SUFU: variants seen among roughly 807,000 people sequenced by gnomAD.
The protein encoded by SUFU is suppressor of fused homolog.
In SUFU, 7 loss-of-function variants were observed where a neutral mutation model predicts 58.9. The observed-to-expected ratio is 0.12, with a 90% CI of 0.07 to 0.22. The LOEUF (loss-of-function observed/expected upper bound fraction) is 0.22. SUFU is among the 10% of genes least tolerant of loss of function. The pLI, the probability that SUFU is intolerant of heterozygous loss-of-function variation, is 1.00. For synonymous variants in SUFU, 232 were observed against 254.8 expected (o/e 0.91, Z 0.85); for missense variants, 451 against 641.3 (o/e 0.70, Z 3.20).
intron 10 of SUFU, chr10:102,618,795 CG>C: frequency 1.8e-6 from 1 of 540,632 alleles, no homozygotes; most frequent in South Asian, 2.7e-5. Flanking sequence ...AGCCATGTCC[CG>C]GGCTGCTGCG....
Position 102,629,982 on chromosome 10 carries a change from G to A in SUFU, c.1366-84G>A, listed in dbSNP as rs1400417179. 1 of 1,293,244 alleles carries A rather than the reference G, an allele frequency of 7.7e-7. No individual in the cohort carries two copies. The highest frequency in any genetic ancestry group is 1.7e-5 in the Admixed American group (1 of 59,582). 80.1% of individuals were successfully genotyped at this position (1,293,244 alleles called of 1,614,324 possible). ...CCTGTCCTATCCCTAGCTCCCCGGGGACAGGCCTGGGCAATCTCTGGAAAG... is the reference window on the plus strand; with the variant it reads ...CCTGTCCTATCCCTAGCTCCCCGGGAACAGGCCTGGGCAATCTCTGGAAAG... On this transcript the variant is annotated intron_variant, in intron 11 of 11. Transcript: ENST00000369902. This position sits in a 1 kb window ranked among gnomAD's most constrained non-coding sequence, Gnocchi z 4.7.
chr10:102,627,107 G>A (rs947357047), intron 10 of SUFU, 68 bp from the exon 11 acceptor site: 6 of 1,542,996 alleles, frequency 3.9e-6, no homozygotes, highest in South Asian at 1.1e-5. Context: ...GAGGTATAAC[G>A]CTTGGTGGTT....
At chr10:102,616,523 A>C (rs1364374296) in intron 9 of SUFU, among the ~76,000 whole-genome samples, 1 of 152,154 alleles carries the variant, frequency 6.6e-6, no homozygotes, top group Non-Finnish European at 1.5e-5. Context: ...CTCCCCAGCC[A>C]CTTCTCTGGC....
chr10:102,526,993 GTTTTTT>G (rs34862176), intron 2 of SUFU, among the ~76,000 whole-genome samples: 1 of 102,046 alleles, frequency 9.8e-6, no homozygotes, highest in African/African-American at 3.8e-5. Flanking sequence ...TATTATTATT[GTTTTTT>G]TTTTTTTTTT....
chr10:102,552,005 G>A (rs1564677318), intron 3 of SUFU, among the ~76,000 whole-genome samples: 1 of 151,968 alleles, frequency 6.6e-6, no homozygotes, highest in South Asian at 2.1e-4. Flanking sequence ...GATTACAGGC[G>A]TGAGCCACTG....
intron 3 of SUFU, among the ~76,000 whole-genome samples, chr10:102,592,144 C>T (rs997959653): frequency 9.2e-5 from 14 of 152,196 alleles, no homozygotes; most frequent in Non-Finnish European, 7.3e-5. Flanking sequence ...ATAGGAATTT[C>T]GGTCTGTTTC....
intron 2 of SUFU, among the ~76,000 whole-genome samples, chr10:102,549,415 A>G (rs1224117422): frequency 6.6e-6 from 1 of 152,176 alleles, no homozygotes; most frequent in Non-Finnish European, 1.5e-5. Flanking sequence ...TGACAAGAAC[A>G]CTGTGGAGGA....
chr10:102,516,125 CTTTTT>C (rs60544094), intron 2 of SUFU, among the ~76,000 whole-genome samples: 8 of 125,580 alleles, frequency 6.4e-5, no homozygotes, highest in Non-Finnish European at 9.9e-5. Flanking sequence ...TCTTTCTTTT[CTTTTT>C]TTTTTTTTTT....
At chr10:102,582,744 A>G (rs746552) in intron 3 of SUFU, among the ~76,000 whole-genome samples, 45,488 of 152,052 alleles carry the variant, frequency 0.3, 7,122 homozygotes, top group Admixed American at 0.36. Context: ...TTGCCAAACA[A>G]CATAAAAGTC....
intron 8 of SUFU, among the ~76,000 whole-genome samples, chr10:102,605,981 G>C (rs1376238947): frequency 1.3e-5 from 2 of 152,218 alleles, no homozygotes; most frequent in East Asian, 1.9e-4. Flanking sequence ...CAATGGTTCA[G>C]CTCCTCTCCT....
chr10:102,630,511 C>T lies in SUFU; in HGVS notation c.*356C>T. The T allele has an allele frequency of 2.3e-6, 1 of 442,972 alleles. No homozygotes were observed. The highest frequency in any genetic ancestry group is 3.5e-5 in the Admixed American group (1 of 28,868). The allele number at this position is 442,972 out of a possible 1,614,324, so 27.4% of individuals were successfully genotyped here. ...AGCCCTCTTTCTCACCTACCCCCTG[C>T]CGCACAGCCCAGCAGGAGGGAGGCG... is the stretch of plus-strand genomic sequence containing the variant. On this transcript the variant is annotated 3_prime_UTR_variant, in exon 12 of 12. Transcript: ENST00000369902.
intron 3 of SUFU, among the ~76,000 whole-genome samples, chr10:102,567,170 C>T (rs867203316): frequency 2.0e-5 from 3 of 151,306 alleles, no homozygotes; most frequent in Middle Eastern, 3.4e-3. Context: ...CACCACCATG[C>T]CCTGCTAATT....
At chr10:102,567,395 C>A (rs2063102677) in intron 3 of SUFU, among the ~76,000 whole-genome samples, 1 of 152,046 alleles carries the variant, frequency 6.6e-6, no homozygotes, top group Non-Finnish European at 1.5e-5. Context: ...AAATGACTGG[C>A]ACCCGTAAGC....
chr10:102,515,439 C>T (rs901645249), intron 2 of SUFU, among the ~76,000 whole-genome samples: 5 of 151,896 alleles, frequency 3.3e-5, no homozygotes, highest in African/African-American at 1.2e-4. Context: ...CCTCAGCCTC[C>T]CAAGTAGCTG....
chr10:102,616,510 A>G (rs1394054734), intron 9 of SUFU, among the ~76,000 whole-genome samples: 2 of 152,154 alleles, frequency 1.3e-5, no homozygotes, highest in African/African-American at 4.8e-5. Context: ...CCACAGCCAC[A>G]TCCTCCCCAG....
At chr10:102,627,399 A>G (rs561859397) in intron 11 of SUFU, among the ~76,000 whole-genome samples, 156 bp downstream of exon 11, 1 of 152,332 alleles carries the variant, frequency 6.6e-6, no homozygotes, top group Admixed American at 6.5e-5. Flanking sequence ...CTCCTCCCCA[A>G]GGTGCAGGGA....
At chr10:102,600,119 G>A (rs540366812) in intron 8 of SUFU, among the ~76,000 whole-genome samples, 9 of 152,268 alleles carry the variant, frequency 5.9e-5, no homozygotes, top group African/African-American at 2.2e-4. Context: ...CACCCTAGAG[G>A]TCAGATCCGC....
At chr10:102,611,216 TG>T (rs926105460) in intron 8 of SUFU, among the ~76,000 whole-genome samples, 8 of 152,058 alleles carry the variant, frequency 5.3e-5, no homozygotes, top group African/African-American at 1.9e-4. Context: ...AGAAACTTGG[TG>T]GGATGTGAGA....
rs542717650 is a variant in SUFU at position 102,542,940 on chromosome 10, G to A, written c.318-7030G>A. Among the ~76,000 whole-genome samples the A allele has an allele frequency of 8.5e-5, 13 of 152,064 alleles. No individual in the cohort carries two copies. The South Asian group carries it at 2.3e-3, about 27-fold the overall frequency. On this transcript the variant is annotated intron_variant, in intron 2 of 11. Transcript: ENST00000369902. ...GTGCCCAGCCTCTTTTGCTTTTTTC[G>A]CCTAACAGTGTTTATACCAATTTGT...
Sources: gnomAD v4.1 joint callset for allele counts (sites outside exome capture counted in the v4.1 genomes callset) on GRCh38, gnomAD v4.1.1 for gene constraint, Gnocchi (gnomAD v3.1) non-coding constraint, MANE v1.5 for transcripts, NCBI Gene and HGNC (gene_info 2026-07-23, HGNC 2026-07-21) for gene names.